The following SLC9C1 variants were observed in gnomAD, a reference collection of about 807,000 sequenced individuals.
SLC9C1 encodes sodium/hydrogen exchanger 10.
A neutral mutation model predicts 140.9 loss-of-function variants in SLC9C1; 97 were observed. The ratio of observed to expected loss-of-function variants is 0.69; its 90% CI spans 0.58 to 0.82. The LOEUF (loss-of-function observed/expected upper bound fraction) is 0.82. SLC9C1 is among the 40% of genes least tolerant of loss of function. The pLI, the probability that SLC9C1 is intolerant of heterozygous loss-of-function variation, is 0.00. For synonymous variants in SLC9C1, 440 were observed against 442.6 expected, an observed-to-expected ratio of 0.99 and a Z score of 0.07; for missense variants, 1,340 against 1,389.3, an observed-to-expected ratio of 0.96 and a Z score of 0.56.
chr3:112,227,283 A>C (rs1001185376), intron 13 of SLC9C1, among the ~76,000 whole-genome samples: 1 of 152,176 alleles, frequency 6.6e-6, no homozygotes, highest in Non-Finnish European at 1.5e-5. Flanking sequence ...AAACAACACA[A>C]CAAAAAAAGA....
intron 7 of SLC9C1, among the ~76,000 whole-genome samples, chr3:112,267,287 A>G (rs1023114133): frequency 6.6e-6 from 1 of 151,388 alleles, no homozygotes; most frequent in African/African-American, 2.4e-5. Context: ...TTTCTAAGAG[A>G]GAGACAGGGC....
Position 112,199,357 on chromosome 3 carries a change from T to C in SLC9C1, c.2487A>G (p.Gly829=). 6.3e-7 allele frequency: 1 copy of C among 1,586,700 alleles called. No individual in the cohort carries two copies. The change falls in exon 20 of 29, where the codon GGA becomes GGG. Residue 829 remains glycine (G), a synonymous_variant. Coordinates refer to ENST00000305815, the MANE Select transcript of SLC9C1 (RefSeq NM_183061.3). The stretch of plus-strand genomic sequence containing the variant: ...CAGCACCTTCAGTTTTACTAATAAT[T>C]CCTTTTAAGCCAAAAGCCTTAAGAA... The part of the protein sequence containing the change: ...TEILKAFGLK[G]IISKTEGAGI...
At chr3:112,278,967 A>G in intron 3 of SLC9C1, 110 bp from the exon 4 acceptor site, 3 of 1,096,682 alleles carry the variant, frequency 2.7e-6, no homozygotes, top group Non-Finnish European at 2.6e-6. Context: ...TTTAAAAGAT[A>G]TATCACACAA....
chr3:112,236,719 G>A (rs1419001103), intron 12 of SLC9C1, among the ~76,000 whole-genome samples: 1 of 152,130 alleles, frequency 6.6e-6, no homozygotes, highest in African/African-American at 2.4e-5. Context: ...CCTTCATTTT[G>A]TTATGTACCC....
At chr3:112,185,540 A>G in intron 20 of SLC9C1, 1 of 1,613,324 alleles carries the variant, frequency 6.2e-7, no homozygotes, top group Middle Eastern at 1.7e-4. Flanking sequence ...GGGCCCCGTC[A>G]GGCGATCTCC....
chr3:112,279,058 G>T, intron 3 of SLC9C1: 1 of 438,458 alleles, frequency 2.3e-6, no homozygotes, highest in Non-Finnish European at 4.0e-6. Context: ...TGGAAGAATA[G>T]AACGGATAGA....
chr3:112,200,489 G>C (rs1165492687), intron 19 of SLC9C1, among the ~76,000 whole-genome samples: 1 of 151,962 alleles, frequency 6.6e-6, no homozygotes, highest in Non-Finnish European at 1.5e-5. Context: ...AAATCAAAAG[G>C]CCTTCATTGT....
intron 13 of SLC9C1, among the ~76,000 whole-genome samples, chr3:112,227,900 A>G (rs2078723622): frequency 6.6e-6 from 1 of 152,146 alleles, no homozygotes; most frequent in African/African-American, 2.4e-5. Flanking sequence ...AGACTAATGA[A>G]GGAATTGAAG....
chr3:112,203,881 C>G (rs1037724908), intron 17 of SLC9C1, among the ~76,000 whole-genome samples: 5 of 151,870 alleles, frequency 3.3e-5, no homozygotes, highest in Non-Finnish European at 5.9e-5. Flanking sequence ...TTGTTAACTT[C>G]CATCTTTTAT....
chr3:112,237,545 C>G (rs1226889333), intron 12 of SLC9C1, among the ~76,000 whole-genome samples: 1 of 152,120 alleles, frequency 6.6e-6, no homozygotes, highest in African/African-American at 2.4e-5. Flanking sequence ...CAGTTTCTTC[C>G]TAGCATCGAT....
chr3:112,147,144 A>G (rs532914774), intron 28 of SLC9C1, among the ~76,000 whole-genome samples: 8 of 152,106 alleles, frequency 5.3e-5, no homozygotes, highest in South Asian at 2.1e-4. Context: ...TTCCATTTGC[A>G]TGGTAGATCT....
intron 15 of SLC9C1, among the ~76,000 whole-genome samples, chr3:112,216,954 C>G (rs2078391769): frequency 6.6e-6 from 1 of 152,052 alleles, no homozygotes. Flanking sequence ...TGGAACCAAC[C>G]CAAATGTCCA....
intron 1 of SLC9C1, among the ~76,000 whole-genome samples, chr3:112,291,182 G>A (rs973947460): frequency 3.9e-5 from 6 of 152,114 alleles, no homozygotes; most frequent in Non-Finnish European, 5.9e-5. Context: ...GGCTGGTAAT[G>A]GCAACATCAT....
At chr3:112,170,284 A>G (rs1360902142) in intron 23 of SLC9C1, among the ~76,000 whole-genome samples, 1 of 152,206 alleles carries the variant, frequency 6.6e-6, no homozygotes, top group Non-Finnish European at 1.5e-5. Flanking sequence ...CAATGGACCA[A>G]TGTCCAGAAT....
intron 15 of SLC9C1, among the ~76,000 whole-genome samples, chr3:112,213,145 A>C (rs942958930): frequency 1.6e-4 from 24 of 152,144 alleles, no homozygotes; most frequent in Admixed American, 5.2e-4. Context: ...CCTTTACAGA[A>C]AAGCAAATGC....
At chr3:112,172,493 C>A (rs1378680918) in intron 23 of SLC9C1, among the ~76,000 whole-genome samples, 1 of 152,028 alleles carries the variant, frequency 6.6e-6, no homozygotes, top group Non-Finnish European at 1.5e-5. Context: ...TGCCATCTTG[C>A]AGAGACAATT....
At chr3:112,203,811 C>A (rs1331418363) in intron 17 of SLC9C1, among the ~76,000 whole-genome samples, 1 of 151,564 alleles carries the variant, frequency 6.6e-6, no homozygotes, top group Non-Finnish European at 1.5e-5. Context: ...GTATTTTTTC[C>A]TTGATTTGTA....
chr3:112,174,538 G>A (rs1461142496), intron 23 of SLC9C1, among the ~76,000 whole-genome samples: 2 of 152,124 alleles, frequency 1.3e-5, no homozygotes, highest in Non-Finnish European at 2.9e-5. Flanking sequence ...GCCTCTCCCT[G>A]GGCAACCTCT....
chr3:112,170,921 A>G (rs755370260), intron 23 of SLC9C1, among the ~76,000 whole-genome samples: 1 of 152,264 alleles, frequency 6.6e-6, no homozygotes, highest in African/African-American at 2.4e-5. Context: ...TCAGCCATGT[A>G]TGAAAATTTC....
Sources: gnomAD v4.1 joint callset for allele counts (sites outside exome capture counted in the v4.1 genomes callset) on GRCh38, gnomAD v4.1.1 for gene constraint, MANE v1.5 for transcripts, NCBI Gene and HGNC (gene_info 2026-07-23, HGNC 2026-07-21) for gene names.